Variants in PPWD1 observed in about 807,000 individuals in gnomAD.
PPWD1 encodes peptidylprolyl isomerase domain and WD repeat containing 1.
PPWD1 carries 43 observed loss-of-function variants against 68.8 expected under a neutral mutation model. The ratio of observed to expected loss-of-function variants is 0.62; its 90% CI spans 0.49 to 0.81. The LOEUF is 0.81. Among genes scored for constraint, PPWD1 ranks in the 30% least tolerant of loss-of-function variants. The pLI, the probability that PPWD1 is intolerant of heterozygous loss-of-function variation, is 0.00. For synonymous variants in PPWD1, 232 were observed against 258.7 expected (o/e 0.90, Z 0.99); for missense variants, 672 against 804.8 (o/e 0.83, Z 2.00).
At chr5:65,583,829 G>C (rs888307343) in intron 8 of PPWD1, among the ~76,000 whole-genome samples, 2 of 152,124 alleles carry the variant, frequency 1.3e-5, no homozygotes, top group African/African-American at 2.4e-5. Flanking sequence ...GCACGCACCT[G>C]TATTCCTGGC....
rs1184956468 is a variant in PPWD1 at position 65,563,850 on chromosome 5, G to A, written c.196+344G>A. On this transcript the variant is annotated intron_variant, in intron 1 of 10. Transcript: ENST00000261308. The stretch of plus-strand genomic sequence containing the variant: ...CGAACTCTTATTTAGGTATGCAAAA[G>A]GGTACCAGTTCTCTTTAAGGCTTTA... The A allele has an allele frequency of 3.4e-6, 5 of 1,480,832 alleles. No homozygotes were observed. The African/African-American group carries it at 4.2e-5, about 12-fold the overall frequency. The allele number at this position is 1,480,832 out of a possible 1,614,324, so 91.7% of individuals were successfully genotyped here.
At chr5:65,576,525 C>A (rs1753289163) in intron 5 of PPWD1, 1 of 235,238 alleles carries the variant, frequency 4.3e-6, no homozygotes, top group Admixed American at 6.5e-5. Context: ...TACAGGCACA[C>A]ATCACCATGC....
In PPWD1 at chr5:65,586,174, T is replaced by C. The variant is rs1244479436; in HGVS notation, c.1790T>C (p.Val597Ala). The change falls in exon 10 of 11, where the codon GTA becomes GCA. Residue 597 changes from valine to alanine, a missense_variant. Around this residue, in one of 2 missense-constraint regions of PPWD1, gnomAD observed 484 missense variants for 646.2 expected, o/e 0.75. Coordinates refer to ENST00000261308, the MANE Select transcript of PPWD1 (RefSeq NM_015342.4). ...GGATCCCAGTTTTTCATAACGGTAG[T>C]ACCAACGGTAAGTACAGTATCATTG... is the stretch of plus-strand genomic sequence containing the variant. The part of the protein sequence containing the change: ...TNGSQFFITV[V>A]PTPWLDNKHT... The C allele has an allele frequency of 1.2e-6, 2 of 1,612,178 alleles. No individual in the cohort carries two copies. The highest frequency in any genetic ancestry group is 1.7e-6 in the Non-Finnish European group (2 of 1,178,804).
intron 3 of PPWD1, 38 bp from the exon 4 acceptor site, chr5:65,569,840 T>G: frequency 6.3e-7 from 1 of 1,575,218 alleles, no homozygotes; most frequent in East Asian, 2.3e-5. Context: ...ATTTTACTGT[T>G]ATTTACTAGA....
chr5:65,579,254 A>G (rs778604706), intron 6 of PPWD1, 170 bp from the exon 7 acceptor site: 23 of 1,094,404 alleles, frequency 2.1e-5, no homozygotes, highest in Non-Finnish European at 2.8e-5. Context: ...ATAGCTGCCT[A>G]CCAGTTTAAA....
chr5:65,568,953 G>T (rs1214358554), intron 2 of PPWD1: 6 of 455,550 alleles, frequency 1.3e-5, no homozygotes, highest in Non-Finnish European at 2.6e-5. Flanking sequence ...TAGGTTTTGT[G>T]GTGTGGTAGA....
chr5:65,568,944 AG>A (rs2150591696), intron 2 of PPWD1: 1 of 455,774 alleles, frequency 2.2e-6, no homozygotes, highest in East Asian at 6.9e-5. Flanking sequence ...CAGAGAATAT[AG>A]GTTTTGTGGT....
At position 65,586,196 on chromosome 5, in the gene PPWD1, AT is replaced by A; in HGVS notation, c.1797+17del. On this transcript the variant is annotated intron_variant, in intron 10 of 10. Transcript: ENST00000261308. ...TAGTACCAACGGTAAGTACAGTATCATTGTTTATAAACTACAGATTGATAGG... is the reference window on the plus strand; with the variant it reads ...TAGTACCAACGGTAAGTACAGTATCATGTTTATAAACTACAGATTGATAGG... 1 of 1,600,304 alleles carries A rather than the reference AT, an allele frequency of 6.2e-7. No individual in the cohort carries two copies. The highest frequency in any genetic ancestry group is 8.5e-7 in the Non-Finnish European group (1 of 1,171,960).
chr5:65,578,056 T>C (rs1753386037), intron 6 of PPWD1, among the ~76,000 whole-genome samples: 1 of 152,230 alleles, frequency 6.6e-6, no homozygotes, highest in Admixed American at 6.5e-5. Flanking sequence ...ACCATCTCCA[T>C]AGTTTTGCCT....
chr5:65,578,806 GTGTA>G (rs1326536360), intron 6 of PPWD1, among the ~76,000 whole-genome samples: 9 of 96,946 alleles, frequency 9.3e-5, no homozygotes, highest in African/African-American at 2.8e-4. Flanking sequence ...ACATATATAT[GTGTA>G]TATATATACT....
chr5:65,566,170 C>G (rs1440066402), intron 1 of PPWD1, among the ~76,000 whole-genome samples: 1 of 152,160 alleles, frequency 6.6e-6, no homozygotes, highest in East Asian at 1.9e-4. Context: ...TTAAGTTTAT[C>G]TACATACTAC....
chr5:65,575,461 C>T (rs186724655), intron 5 of PPWD1, among the ~76,000 whole-genome samples: 48 of 152,272 alleles, frequency 3.2e-4, no homozygotes, highest in African/African-American at 1.2e-3. Flanking sequence ...ACACACATAC[C>T]TCATTTTGAT....
At chr5:65,563,913 GC>G in intron 1 of PPWD1, 1 of 1,331,240 alleles carries the variant, frequency 7.5e-7, no homozygotes, top group Non-Finnish European at 1.0e-6. Flanking sequence ...GTGTTGGGGC[GC>G]GAGAGGAAGG....
At chr5:65,578,035 C>G (rs927615707) in intron 6 of PPWD1, among the ~76,000 whole-genome samples, 21 of 152,232 alleles carry the variant, frequency 1.4e-4, no homozygotes, top group Non-Finnish European at 2.9e-5. Flanking sequence ...TGTTCAACCA[C>G]TGATCTTTTC....
chr5:65,572,336 A>T (rs776920484), intron 5 of PPWD1, 50 bp downstream of exon 5: 1 of 1,468,668 alleles, frequency 6.8e-7, no homozygotes, highest in South Asian at 1.3e-5. Context: ...AAAATGCTTT[A>T]TTTTATGCCT....
chr5:65,563,783 C>T, intron 1 of PPWD1: 2 of 1,491,762 alleles, frequency 1.3e-6, no homozygotes, highest in Non-Finnish European at 1.8e-6. Flanking sequence ...TGTTTGGCTC[C>T]TCTCATTTAC....
rs154947 is a variant in PPWD1, at chr5:65,576,360, A to G, written c.970-519A>G. The G allele has an allele frequency of 3.2e-6, 3 of 951,392 alleles. No homozygotes were observed. In the East Asian group the frequency reaches 3.5e-4, roughly 110 times the overall value. The allele number at this position is 951,392 out of a possible 1,614,324, so 58.9% of individuals were successfully genotyped here. ...TTTTAAATTAGAAGAACCAGTTACC[A>G]TTTTGAAATACAATTTTTTTTTTTT... On this transcript the variant is annotated intron_variant, in intron 5 of 10. Transcript: ENST00000261308.
intron 8 of PPWD1, among the ~76,000 whole-genome samples, chr5:65,584,236 C>T (rs1181871703): frequency 6.6e-6 from 1 of 152,080 alleles, no homozygotes; most frequent in African/African-American, 2.4e-5. Context: ...TGCTCAAAAC[C>T]CATGTACTCT....
rs181153523 is a variant in PPWD1, at chr5:65,567,891, T to G, written c.299+276T>G. 5.7e-4 allele frequency: 193 copies of G among 336,904 alleles called. 2 individuals carry two copies. The East Asian group carries it at 0.012, about 21-fold the overall frequency. 20.9% of individuals were successfully genotyped at this position (336,904 alleles called of 1,614,324 possible). ...GAGCTTCCCTGAAGAAGAGGGTACA[T>G]TAGTTAAGATATGAGTAACTGGTAC... On this transcript the variant is annotated intron_variant, in intron 2 of 10. Coordinates refer to ENST00000261308, the MANE Select transcript of PPWD1 (RefSeq NM_015342.4).
Sources: gnomAD v4.1 joint callset for allele counts (sites outside exome capture counted in the v4.1 genomes callset) on GRCh38, gnomAD v4.1.1 for gene constraint, gnomAD v4.1.1 regional missense constraint, MANE v1.5 for transcripts, NCBI Gene and HGNC (gene_info 2026-07-23, HGNC 2026-07-21) for gene names.